CLNK: variants seen among roughly 807,000 people sequenced by gnomAD.
CLNK encodes the protein cytokine dependent hematopoietic cell linker, also known as cytokine-dependent hematopoietic cell linker.
CLNK carries 74 observed loss-of-function variants against 68.6 expected under a neutral mutation model. The ratio of observed to expected loss-of-function variants is 1.08; its 90% CI spans 0.89 to 1.31. The LOEUF is 1.31. CLNK is among the 50% of genes most tolerant of loss of function. CLNK has a pLI of 0.00. For synonymous variants in CLNK, 198 were observed against 172.2 expected (o/e 1.15, Z -1.17); for missense variants, 553 against 515.3 (o/e 1.07, Z -0.71).
intron 4 of CLNK, among the ~76,000 whole-genome samples, chr4:10,575,718 G>A (rs1720536468): frequency 1.3e-5 from 2 of 152,246 alleles, no homozygotes; most frequent in African/African-American, 4.8e-5. Flanking sequence ...TTGATAGCTG[G>A]GCAGAGACCC....
At chr4:10,545,027 G>T (rs977988643) in intron 8 of CLNK, among the ~76,000 whole-genome samples, 1 of 151,986 alleles carries the variant, frequency 6.6e-6, no homozygotes, top group Non-Finnish European at 1.5e-5. Context: ...CCTCTTAAAG[G>T]TCTCACCTCT....
the CLNK span, among the ~76,000 whole-genome samples, chr4:10,699,512 A>ATATATTTTTT: frequency 0.012 from 385 of 32,174 alleles, 9 homozygotes; most frequent in Non-Finnish European, 0.016. Flanking sequence ...ATATATATAT[A>ATATATTTTTT]TTTTTTTTTT....
At chr4:10,615,733 G>T (rs1722205094) in intron 2 of CLNK, among the ~76,000 whole-genome samples, 1 of 152,168 alleles carries the variant, frequency 6.6e-6, no homozygotes, top group African/African-American at 2.4e-5. Context: ...GTGCTATGAT[G>T]AAGGTAAAAT....
intron 4 of CLNK, among the ~76,000 whole-genome samples, chr4:10,584,520 TG>T (rs1720902640): frequency 6.6e-6 from 1 of 152,164 alleles, no homozygotes; most frequent in South Asian, 2.1e-4. Flanking sequence ...GCATCAAAGG[TG>T]GCTTTTGAAC....
At chr4:10,492,700 G>A (rs1029764896) in intron 18 of CLNK, among the ~76,000 whole-genome samples, 5 of 152,108 alleles carry the variant, frequency 3.3e-5, no homozygotes, top group South Asian at 2.1e-4. Flanking sequence ...CCTTCCCACC[G>A]TCATGTGGGA....
At chr4:10,637,437 A>AGTT (rs1553861355) in intron 2 of CLNK, among the ~76,000 whole-genome samples, 2 of 84,256 alleles carry the variant, frequency 2.4e-5, no homozygotes, top group African/African-American at 1.1e-4. Context: ...CAATAAAAAA[A>AGTT]GTTTTTTTTT....
chr4:10,571,977 C>T (rs1435740206), intron 4 of CLNK, among the ~76,000 whole-genome samples, 199 bp from the exon 5 acceptor site: 1 of 152,166 alleles, frequency 6.6e-6, no homozygotes, highest in African/African-American at 2.4e-5. Flanking sequence ...GACAAAGAAA[C>T]AGGAGAAAAG....
chr4:10,531,863 TC>T, intron 12 of CLNK: 1 of 466,932 alleles, frequency 2.1e-6, no homozygotes, highest in South Asian at 1.6e-5. Context: ...ACTTTGGATC[TC>T]ATATTCCTTC....
At chr4:10,508,439 G>C (rs1037158699) in intron 16 of CLNK, among the ~76,000 whole-genome samples, 1 of 152,160 alleles carries the variant, frequency 6.6e-6, no homozygotes, top group Non-Finnish European at 1.5e-5. Flanking sequence ...AAAGAGGTGC[G>C]GAAGGAGCCC....
At chr4:10,638,857 G>A (rs1451672667) in intron 2 of CLNK, among the ~76,000 whole-genome samples, 2 of 152,132 alleles carry the variant, frequency 1.3e-5, no homozygotes, top group Admixed American at 6.6e-5. Context: ...TCTTATTTCT[G>A]TGTTTTTACA....
intron 2 of CLNK, among the ~76,000 whole-genome samples, chr4:10,661,554 G>A (rs1011600210): frequency 1.3e-5 from 2 of 152,204 alleles, no homozygotes; most frequent in African/African-American, 4.8e-5. Context: ...TTAGTGCTGA[G>A]CCATCAGAAA....
the CLNK span, among the ~76,000 whole-genome samples, chr4:10,712,893 A>G: frequency 2.0e-5 from 3 of 152,204 alleles, no homozygotes; most frequent in African/African-American, 7.2e-5. Context: ...AACTGGTCCT[A>G]TGACCCCCAC....
intron 3 of CLNK, among the ~76,000 whole-genome samples, chr4:10,586,963 C>CTT (rs1028467203): frequency 7.2e-6 from 1 of 138,844 alleles, no homozygotes; most frequent in Non-Finnish European, 1.6e-5. Flanking sequence ...CATTTTTTTT[C>CTT]TTTTTTTTTT....
chr4:10,570,428 G>T (rs924489919), intron 5 of CLNK, among the ~76,000 whole-genome samples: 57 of 152,174 alleles, frequency 3.7e-4, no homozygotes, highest in African/African-American at 1.3e-3. Flanking sequence ...AGAGACATTT[G>T]TTTTAAATAT....
chr4:10,591,022 C>G (rs917547171), intron 3 of CLNK, among the ~76,000 whole-genome samples: 1 of 152,182 alleles, frequency 6.6e-6, no homozygotes, highest in Non-Finnish European at 1.5e-5. Context: ...GATGACACAT[C>G]TCTCCACCAC....
intron 2 of CLNK, among the ~76,000 whole-genome samples, chr4:10,657,044 C>T (rs1043170915): frequency 1.3e-5 from 2 of 152,146 alleles, no homozygotes; most frequent in African/African-American, 4.8e-5. Flanking sequence ...TTAATTCTCA[C>T]AAGAATACTA....
At chr4:10,553,714 G>A (rs1719556211) in intron 8 of CLNK, among the ~76,000 whole-genome samples, 1 of 152,046 alleles carries the variant, frequency 6.6e-6, no homozygotes, top group Non-Finnish European at 1.5e-5. Context: ...TCGACCTCCC[G>A]AAATGCTGGG....
At chr4:10,713,854 T>C in the CLNK span, among the ~76,000 whole-genome samples, 1 of 152,190 alleles carries the variant, frequency 6.6e-6, no homozygotes, top group Non-Finnish European at 1.5e-5. Context: ...ATGTGCCAAA[T>C]AGACCTCTTT....
At chr4:10,694,482 G>C in the CLNK span, among the ~76,000 whole-genome samples, 4 of 152,004 alleles carry the variant, frequency 2.6e-5, no homozygotes, top group African/African-American at 9.7e-5. Flanking sequence ...CCTTTTTCAT[G>C]TTGGATAAGT....
Sources: gnomAD v4.1 joint callset for allele counts (sites outside exome capture counted in the v4.1 genomes callset) on GRCh38, gnomAD v4.1.1 for gene constraint, MANE v1.5 for transcripts, NCBI Gene and HGNC (gene_info 2026-07-23, HGNC 2026-07-21) for gene names.